Variants in ADARB2 observed in about 807,000 individuals in gnomAD.
The protein encoded by ADARB2 is adenosine deaminase RNA specific B2 (inactive), also known as inactive double-stranded RNA-specific editase B2.
Under a neutral mutation model 62.2 loss-of-function variants are expected in ADARB2, and 25 were observed. The observed-to-expected ratio is 0.40, with a 90% CI of 0.29 to 0.56. ADARB2 has a LOEUF of 0.56. ADARB2 is among the 20% of genes least tolerant of loss of function. The probability of loss-of-function intolerance (pLI) is 0.43; values close to 1 mark genes in which losing one functional copy is unlikely to be tolerated. For missense variants in ADARB2, 1,071 were observed against 1,077.4 expected, an observed-to-expected ratio of 0.99 and a Z score of 0.08; for synonymous variants, 572 against 500.8, an observed-to-expected ratio of 1.14 and a Z score of -1.90.
chr10:1,292,499 C>T (rs182593569), intron 3 of ADARB2: 81 of 152,204 alleles, frequency 5.3e-4, no homozygotes, highest in African/African-American at 1.7e-3. Flanking sequence ...ATATCTTTTC[C>T]GATAAAATTA....
intron 1 of ADARB2, among the ~76,000 whole-genome samples, chr10:1,543,950 G>T (rs1285976192): frequency 2.7e-5 from 4 of 147,604 alleles, no homozygotes; most frequent in Non-Finnish European, 5.9e-5. Flanking sequence ...TAACATGTTT[G>T]TGATGGTCCA....
intron 1 of ADARB2, among the ~76,000 whole-genome samples, chr10:1,480,701 C>CAA (rs1330619728): frequency 7.3e-6 from 1 of 136,614 alleles, no homozygotes. Context: ...GACTCTGTTT[C>CAA]AAAAAAAAAA....
chr10:1,505,820 T>C lies in ADARB2; in HGVS notation c.101-126660A>G, dbSNP rs116849303. Among the ~76,000 whole-genome samples the C allele has an allele frequency of 4.5e-4, 68 of 152,308 alleles. 1 individual carries two copies. The East Asian group carries it at 0.012, about 28-fold the overall frequency. On this transcript the variant is annotated intron_variant, in intron 1 of 9. Transcript: ENST00000381312. ...ACCGTCTGCACTCCAGACATCTTCT[T>C]GAATTAGGAGGACTCCAAGCCAGAA...
At chr10:1,307,845 C>G (rs985595193) in intron 3 of ADARB2, among the ~76,000 whole-genome samples, 47 of 127,394 alleles carry the variant, frequency 3.7e-4, no homozygotes, top group African/African-American at 1.4e-3. Flanking sequence ...AAACCAAACA[C>G]CGCATATTCT....
At chr10:1,516,370 G>T (rs1052107352) in intron 1 of ADARB2, among the ~76,000 whole-genome samples, 2 of 152,178 alleles carry the variant, frequency 1.3e-5, no homozygotes, top group Admixed American at 1.3e-4. Context: ...TCCCTTTCCC[G>T]AGGTGCAGCT....
rs1008218012 is a variant in ADARB2 at position 1,663,160 on chromosome 10, G to A, written c.100+73891C>T. ...GATCAACTATTTTAGAGCAGTTTTCGGTTTACAGAAAAGTTGAGCAGAAAG... is the reference window on the plus strand; with the variant it reads ...GATCAACTATTTTAGAGCAGTTTTCAGTTTACAGAAAAGTTGAGCAGAAAG... On this transcript the variant is annotated intron_variant, in intron 1 of 9. Coordinates refer to ENST00000381312, the MANE Select transcript of ADARB2 (RefSeq NM_018702.4). Among the ~76,000 whole-genome samples the A allele has an allele frequency of 4.6e-5, 7 of 152,244 alleles. No individual in the cohort carries two copies. In the South Asian group the frequency reaches 8.3e-4, roughly 18 times the overall value.
chr10:1,327,937 C>G (rs1220455793), intron 3 of ADARB2, among the ~76,000 whole-genome samples: 1 of 151,752 alleles, frequency 6.6e-6, no homozygotes, highest in African/African-American at 2.4e-5. Flanking sequence ...CAGCACAGCA[C>G]CTCCTCACAG....
chr10:1,207,392 A>ATC (rs1837083026), intron 7 of ADARB2, among the ~76,000 whole-genome samples: 1 of 152,186 alleles, frequency 6.6e-6, no homozygotes, highest in Non-Finnish European at 1.5e-5. Context: ...ATATTTTTAA[A>ATC]CCAGACTGGG....
intron 1 of ADARB2, among the ~76,000 whole-genome samples, chr10:1,573,969 G>A (rs552492148): frequency 1.3e-5 from 2 of 152,154 alleles, no homozygotes; most frequent in Non-Finnish European, 2.9e-5. Flanking sequence ...TAACCTTTTG[G>A]GGCCTTTGTT....
At chr10:1,319,036 G>C (rs1831771443) in intron 3 of ADARB2, among the ~76,000 whole-genome samples, 1 of 152,246 alleles carries the variant, frequency 6.6e-6, no homozygotes, top group Admixed American at 6.5e-5. Flanking sequence ...AAGGAGCTCA[G>C]AGTAAGTGGG....
At chr10:1,231,667 C>T (rs374864187) in intron 6 of ADARB2, among the ~76,000 whole-genome samples, 11 of 152,170 alleles carry the variant, frequency 7.2e-5, no homozygotes, top group Middle Eastern at 3.2e-3. Flanking sequence ...CCCAGTTTGA[C>T]GGGATTCTCT....
chr10:1,736,663 C>T (rs1643930891), intron 1 of ADARB2, among the ~76,000 whole-genome samples: 1 of 152,160 alleles, frequency 6.6e-6, no homozygotes, highest in African/African-American at 2.4e-5. Flanking sequence ...GGGCTCGTTC[C>T]CCCGTTTTTG....
chr10:1,347,602 C>T (rs1295881159), intron 3 of ADARB2, among the ~76,000 whole-genome samples: 2 of 152,160 alleles, frequency 1.3e-5, no homozygotes, highest in Admixed American at 6.5e-5. Flanking sequence ...AGATCAGGAG[C>T]CAGGAGGCCT....
chr10:1,401,235 G>A (rs760110463), intron 1 of ADARB2, among the ~76,000 whole-genome samples: 1 of 152,170 alleles, frequency 6.6e-6, no homozygotes, highest in Non-Finnish European at 1.5e-5. Context: ...GGTGGGGGAC[G>A]GCCCGGTGTG....
intron 1 of ADARB2, among the ~76,000 whole-genome samples, chr10:1,412,256 A>G (rs1199065457): frequency 6.6e-6 from 1 of 151,992 alleles, no homozygotes; most frequent in African/African-American, 2.4e-5. Flanking sequence ...TTCCCAGGAA[A>G]CCCTCGGGTC....
intron 1 of ADARB2, among the ~76,000 whole-genome samples, chr10:1,713,647 G>A (rs373734507): frequency 4.4e-4 from 67 of 152,240 alleles, no homozygotes; most frequent in African/African-American, 1.4e-3. Flanking sequence ...CTCAGCACCT[G>A]GGCTGCAGAA....
intron 8 of ADARB2, among the ~76,000 whole-genome samples, chr10:1,187,405 C>G (rs187754531): frequency 2.4e-4 from 37 of 152,178 alleles, no homozygotes; most frequent in Non-Finnish European, 4.4e-5. Flanking sequence ...CGCCAGGCGG[C>G]CTCCCCTCCT....
At position 1,737,041 on chromosome 10, in the gene ADARB2, C is replaced by G. The variant is rs765549855; in HGVS notation, c.100+10G>C. 1 of 1,609,548 alleles carries G rather than the reference C, an allele frequency of 6.2e-7. No homozygotes were observed. The highest frequency in any genetic ancestry group is 1.1e-5 in the South Asian group (1 of 91,080). On this transcript the variant is annotated intron_variant, in intron 1 of 9. Coordinates refer to ENST00000381312, the MANE Select transcript of ADARB2 (RefSeq NM_018702.4). ...GGGGGGCAGGGGCCGGCGCGCCACG[C>G]GGTCCTTACCTTTCCGCTTGGACCT...
chr10:1,555,446 C>T (rs752940140), intron 1 of ADARB2, among the ~76,000 whole-genome samples: 4 of 152,188 alleles, frequency 2.6e-5, no homozygotes, highest in South Asian at 2.1e-4. Context: ...AATCATCCTT[C>T]GTAAGAGAAG....
Sources: allele counts gnomAD v4.1 joint callset (sites outside exome capture counted in the v4.1 genomes callset), GRCh38; gene constraint gnomAD v4.1.1; transcripts MANE v1.5; gene names NCBI Gene and HGNC (gene_info 2026-07-23, HGNC 2026-07-21).